SLC35D1: variants seen among roughly 807,000 people sequenced by gnomAD.
SLC35D1 encodes solute carrier family 35 member D1.
Under a neutral mutation model 46.7 loss-of-function variants are expected in SLC35D1, and 31 were observed. The ratio of observed to expected loss-of-function variants is 0.66; its 90% CI spans 0.50 to 0.90. SLC35D1 has a LOEUF of 0.90. SLC35D1 is among the 40% of genes least tolerant of loss of function. SLC35D1 has a pLI of 0.00. For missense variants in SLC35D1, 397 were observed against 426.2 expected (o/e 0.93, Z 0.60); for synonymous variants, 195 against 164.6 (o/e 1.18, Z -1.41).
At chr1:67,013,158 A>ATATATATATATATATATATATATG in intron 10 of SLC35D1, among the ~76,000 whole-genome samples, 58,514 of 103,564 alleles carry the variant, frequency 0.57, 18,040 homozygotes, top group South Asian at 0.81. Context: ...TATCCTGGAG[A>ATATATATATATATATATATATATG]TATATATATA....
the SLC35D1 span, among the ~76,000 whole-genome samples, chr1:66,989,055 CA>C: frequency 2.6e-5 from 4 of 152,040 alleles, no homozygotes; most frequent in African/African-American, 9.7e-5. Context: ...GGAAATTAAC[CA>C]ACATGAAATG....
intron 7 of SLC35D1, among the ~76,000 whole-genome samples, chr1:67,042,949 G>A (rs1445253655): frequency 6.6e-6 from 1 of 152,150 alleles, no homozygotes; most frequent in African/African-American, 2.4e-5. Flanking sequence ...TGTAATCCCA[G>A]CACTTTGGGA....
At chr1:67,022,176 A>G (rs1667820372) in intron 8 of SLC35D1, among the ~76,000 whole-genome samples, 1 of 152,226 alleles carries the variant, frequency 6.6e-6, no homozygotes, top group Admixed American at 6.5e-5. Context: ...GAAAGGAATA[A>G]AGAGAAATGA....
chr1:66,987,463 A>C, the SLC35D1 span: 12 of 152,688 alleles, frequency 7.9e-5, no homozygotes, highest in African/African-American at 2.7e-4. Flanking sequence ...TGTATTTTCA[A>C]ATAGAGTTCA....
At chr1:66,994,202 G>T in the SLC35D1 span, among the ~76,000 whole-genome samples, 1 of 152,214 alleles carries the variant, frequency 6.6e-6, no homozygotes, top group Non-Finnish European at 1.5e-5. Flanking sequence ...TGACGACTCC[G>T]GTGAGATGAT....
intron 8 of SLC35D1, among the ~76,000 whole-genome samples, chr1:67,029,757 T>C (rs947117986): frequency 6.6e-6 from 1 of 152,204 alleles, no homozygotes; most frequent in East Asian, 1.9e-4. Context: ...AAGTTGAATG[T>C]TAAATCTACA....
chr1:67,053,072 A>T (rs1401441258), intron 1 of SLC35D1, 83 bp from the exon 2 acceptor site: 1 of 1,472,184 alleles, frequency 6.8e-7, no homozygotes, highest in East Asian at 2.4e-5. Flanking sequence ...CGGCAACGTT[A>T]ATAAGGCATT....
At chr1:67,049,679 T>C in intron 6 of SLC35D1, 103 bp downstream of exon 6, 3 of 1,048,460 alleles carry the variant, frequency 2.9e-6, no homozygotes, top group African/African-American at 1.6e-5. Flanking sequence ...TTCAAAGATA[T>C]AATTCTTATT....
At chr1:66,995,806 ACATT>A, downstream of SLC35D1, among the ~76,000 whole-genome samples, 1 of 152,194 alleles carries the variant, frequency 6.6e-6, no homozygotes. Flanking sequence ...CTCCTCCCAT[ACATT>A]CATATGCATA....
the SLC35D1 span, chr1:66,988,242 T>A: frequency 1.3e-5 from 2 of 152,368 alleles, no homozygotes; most frequent in Non-Finnish European, 2.9e-5. Flanking sequence ...TTTAACCTTT[T>A]ATTCTAAAAA....
intron 8 of SLC35D1, among the ~76,000 whole-genome samples, chr1:67,033,081 T>A (rs1668050141): frequency 6.6e-6 from 1 of 152,242 alleles, no homozygotes; most frequent in African/African-American, 2.4e-5. Flanking sequence ...GCATCTCCTT[T>A]TTTTTATGGC....
At chr1:66,976,639 G>A in the SLC35D1 span, 1 of 1,607,268 alleles carries the variant, frequency 6.2e-7, no homozygotes. Context: ...TCTATTACAT[G>A]TGGAAAAAAT....
the SLC35D1 span, chr1:66,986,624 T>C: frequency 9.4e-6 from 6 of 636,832 alleles, no homozygotes; most frequent in Non-Finnish European, 1.1e-5. Flanking sequence ...TGAACAACTT[T>C]TTTTCCCAAA....
chr1:67,013,833 G>A (rs975553986), intron 10 of SLC35D1, among the ~76,000 whole-genome samples: 1 of 152,306 alleles, frequency 6.6e-6, no homozygotes, highest in Non-Finnish European at 1.5e-5. Context: ...ATTACTACAA[G>A]AGACTACTTG....
chr1:66,991,075 GTA>G, the SLC35D1 span, among the ~76,000 whole-genome samples: 1 of 152,172 alleles, frequency 6.6e-6, no homozygotes. Context: ...GTTGCCCTTT[GTA>G]CCGCTGCCAT....
intron 10 of SLC35D1, among the ~76,000 whole-genome samples, chr1:67,013,157 G>GATATATATATATATATGTATATATATAT (rs964691631): frequency 4.7e-4 from 14 of 29,798 alleles, no homozygotes; most frequent in South Asian, 3.9e-3. Context: ...ATATCCTGGA[G>GATATATATATATATATGTATATATATAT]ATATATATAT....
chr1:67,016,559 T>G (rs571854644), intron 10 of SLC35D1, among the ~76,000 whole-genome samples: 45 of 152,240 alleles, frequency 3.0e-4, no homozygotes, highest in African/African-American at 9.9e-4. Flanking sequence ...AAAAGACTAA[T>G]TTTTATGACT....
At chr1:67,042,382 A>C in intron 7 of SLC35D1, 54 bp from the exon 8 acceptor site, 1 of 1,467,024 alleles carries the variant, frequency 6.8e-7, no homozygotes, top group Non-Finnish European at 9.5e-7. Flanking sequence ...AGCAGATACA[A>C]CACTGTACAA....
intron 10 of SLC35D1, 59 bp downstream of exon 10, chr1:67,020,310 T>C: frequency 8.7e-7 from 1 of 1,151,650 alleles, no homozygotes; most frequent in South Asian, 1.2e-5. Flanking sequence ...ACTCTTATCT[T>C]AAAGGAACAA....
Sources: allele counts gnomAD v4.1 joint callset (sites outside exome capture counted in the v4.1 genomes callset), GRCh38; gene constraint gnomAD v4.1.1; transcripts MANE v1.5; gene names NCBI Gene and HGNC (gene_info 2026-07-23, HGNC 2026-07-21).